Variants in SNTG1 observed in about 807,000 individuals in gnomAD.
The protein encoded by SNTG1 is syntrophin gamma 1.
In SNTG1, 39 loss-of-function variants were observed where a neutral mutation model predicts 74.7. The observed-to-expected ratio is 0.52, with a 90% CI of 0.40 to 0.68. The LOEUF is 0.68. SNTG1 is among the 30% of genes least tolerant of loss of function. SNTG1 has a pLI of 0.00. For synonymous variants in SNTG1, 254 were observed against 217.1 expected (o/e 1.17, Z -1.49); for missense variants, 685 against 609.5 (o/e 1.12, Z -1.30).
intron 1 of SNTG1, among the ~76,000 whole-genome samples, chr8:50,064,871 T>C (rs941632143): frequency 1.3e-5 from 2 of 152,182 alleles, no homozygotes; most frequent in African/African-American, 2.4e-5. Flanking sequence ...CTTGTCCACA[T>C]CACCATGTTT....
At chr8:50,327,832 TCA>T (rs1381092690) in intron 2 of SNTG1, among the ~76,000 whole-genome samples, 1 of 152,118 alleles carries the variant, frequency 6.6e-6, no homozygotes, top group Non-Finnish European at 1.5e-5. Context: ...CCTTATTTTT[TCA>T]CTTATTTTTA....
rs2131824572 is a variant in SNTG1, at chr8:50,197,972, A to C, written c.-28+25337A>C. 2.0e-5 allele frequency among the ~76,000 whole-genome samples: 3 copies of C among 152,254 alleles called. No homozygotes were observed. In the South Asian group the frequency reaches 6.2e-4, roughly 32 times the overall value. On this transcript the variant is annotated intron_variant, in intron 2 of 18. Coordinates refer to ENST00000642720, the MANE Select transcript of SNTG1 (RefSeq NM_018967.5). Reference sequence around the variant, plus strand: ...ACATTATTTTCAATTGTCACTTATAAATTGACCATTCTTAAATCTCTCTCT... The same window carrying C: ...ACATTATTTTCAATTGTCACTTATACATTGACCATTCTTAAATCTCTCTCT...
chr8:50,129,262 CAGAG>C (rs1475797628), intron 1 of SNTG1, among the ~76,000 whole-genome samples: 1 of 152,050 alleles, frequency 6.6e-6, no homozygotes, highest in Non-Finnish European at 1.5e-5. Flanking sequence ...CCCGATCATT[CAGAG>C]CATCGCATAT....
At chr8:50,617,754 A>G (rs1209953066) in intron 13 of SNTG1, among the ~76,000 whole-genome samples, 1 of 152,178 alleles carries the variant, frequency 6.6e-6, no homozygotes, top group East Asian at 1.9e-4. Context: ...GGCTGCATGC[A>G]CCAGTAATTA....
intron 2 of SNTG1, among the ~76,000 whole-genome samples, chr8:50,335,835 ATTTTAT>A (rs1205153843): frequency 2.0e-5 from 3 of 150,056 alleles, no homozygotes; most frequent in Admixed American, 2.0e-4. Flanking sequence ...ATTTTATTTT[ATTTTAT>A]TTTATTTTAT....
At chr8:50,589,998 T>A (rs753979763) in intron 12 of SNTG1, among the ~76,000 whole-genome samples, 3 of 152,204 alleles carry the variant, frequency 2.0e-5, no homozygotes, top group Non-Finnish European at 4.4e-5. Flanking sequence ...AGTAAATCTG[T>A]TCTTGTAGAT....
intron 4 of SNTG1, among the ~76,000 whole-genome samples, chr8:50,428,954 T>C (rs909133422): frequency 6.6e-6 from 1 of 151,982 alleles, no homozygotes; most frequent in African/African-American, 2.4e-5. Context: ...AAATACCTAT[T>C]CTGAAAACTA....
intron 2 of SNTG1, among the ~76,000 whole-genome samples, chr8:50,250,262 C>T (rs981063930): frequency 2.7e-5 from 4 of 149,990 alleles, no homozygotes; most frequent in Non-Finnish European, 4.4e-5. Flanking sequence ...ATAACCCTAT[C>T]AGAAAAAAAT....
At chr8:50,635,754 G>C (rs900294812) in intron 13 of SNTG1, among the ~76,000 whole-genome samples, 1 of 152,140 alleles carries the variant, frequency 6.6e-6, no homozygotes, top group Non-Finnish European at 1.5e-5. Flanking sequence ...TATAATCAGA[G>C]ATCCCATGAG....
At chr8:50,722,127 T>C (rs181164065) in intron 17 of SNTG1, among the ~76,000 whole-genome samples, 2 of 151,982 alleles carry the variant, frequency 1.3e-5, no homozygotes, top group African/African-American at 2.4e-5. Flanking sequence ...TGTATATATA[T>C]ACATATATAT....
At chr8:50,506,223 G>A (rs1563491523) in intron 9 of SNTG1, among the ~76,000 whole-genome samples, 1 of 152,164 alleles carries the variant, frequency 6.6e-6, no homozygotes, top group East Asian at 1.9e-4. Context: ...ATTAATGCCA[G>A]TACCACATTG....
At chr8:49,996,298 A>C (rs562273472) in intron 1 of SNTG1, among the ~76,000 whole-genome samples, 1 of 152,186 alleles carries the variant, frequency 6.6e-6, no homozygotes, top group Non-Finnish European at 1.5e-5. Context: ...AATTCTTGGA[A>C]ATAAGGATTG....
rs181924939 is a variant in SNTG1, at chr8:50,431,624, A to T, written c.163-6919A>T. Among the ~76,000 whole-genome samples the T allele has an allele frequency of 1.2e-3, 180 of 152,298 alleles. 1 individual carries two copies. Among genetic ancestry groups the T allele is most frequent in the African/African-American group, 4.2e-3 (173 of 41,580 alleles). ...GGTTAGCTTTGTAAGAAACTGCAAA[A>T]ATCTCTTTTGCATTCACACCAATAA... On this transcript the variant is annotated intron_variant, in intron 4 of 18. Coordinates refer to ENST00000642720, the MANE Select transcript of SNTG1 (RefSeq NM_018967.5).
intron 18 of SNTG1, among the ~76,000 whole-genome samples, chr8:50,769,138 T>A (rs1420671169): frequency 7.2e-4 from 110 of 151,996 alleles, no homozygotes; most frequent in African/African-American, 2.4e-3. Context: ...TCTACCCGTT[T>A]GTGTTAAGAG....
intron 15 of SNTG1, among the ~76,000 whole-genome samples, chr8:50,692,201 C>T (rs2095383499): frequency 6.6e-6 from 1 of 152,106 alleles, no homozygotes; most frequent in Non-Finnish European, 1.5e-5. Context: ...TGAATTTCCT[C>T]CTGTAGCTCG....
At chr8:50,358,002 T>G (rs2091864667) in intron 2 of SNTG1, among the ~76,000 whole-genome samples, 1 of 152,156 alleles carries the variant, frequency 6.6e-6, no homozygotes. Flanking sequence ...TCCTTCTTAT[T>G]TTTTAAAAAT....
At chr8:50,541,481 T>C (rs2094346494) in intron 11 of SNTG1, among the ~76,000 whole-genome samples, 1 of 152,106 alleles carries the variant, frequency 6.6e-6, no homozygotes, top group Non-Finnish European at 1.5e-5. Context: ...TGTTATTTGA[T>C]CATATTAAGA....
chr8:50,751,277 T>G (rs893850924), intron 17 of SNTG1, among the ~76,000 whole-genome samples: 4 of 152,030 alleles, frequency 2.6e-5, no homozygotes, highest in Non-Finnish European at 4.4e-5. Flanking sequence ...ATGCATGTTT[T>G]TAGTTTCAGG....
chr8:50,324,017 C>A (rs28615617), intron 2 of SNTG1, among the ~76,000 whole-genome samples: 2 of 152,160 alleles, frequency 1.3e-5, no homozygotes, highest in Non-Finnish European at 2.9e-5. Flanking sequence ...CTGCTCTAAG[C>A]CCAGCCTAGC....
Sources: allele counts gnomAD v4.1 joint callset (sites outside exome capture counted in the v4.1 genomes callset), GRCh38; gene constraint gnomAD v4.1.1; transcripts MANE v1.5; gene names NCBI Gene and HGNC (gene_info 2026-07-23, HGNC 2026-07-21).